Variants in PTPN3 observed in about 807,000 individuals in gnomAD.
The protein encoded by PTPN3 is protein tyrosine phosphatase non-receptor type 3, also known as tyrosine-protein phosphatase non-receptor type 3.
PTPN3 carries 96 observed loss-of-function variants against 132.7 expected under a neutral mutation model. The observed-to-expected ratio is 0.72, with a 90% confidence interval of 0.61 to 0.86. The LOEUF is 0.86. Ranked by LOEUF, PTPN3 falls within the 40% of genes least tolerant of loss-of-function variation. The pLI is 0.00. For synonymous variants in PTPN3, 398 were observed against 429.0 expected (o/e 0.93, Z 0.89); for missense variants, 1,125 against 1,159.6 (o/e 0.97, Z 0.43).
chr9:109,418,404 G>A (rs1259269795), intron 14 of PTPN3, among the ~76,000 whole-genome samples: 1 of 152,218 alleles, frequency 6.6e-6, no homozygotes, highest in Non-Finnish European at 1.5e-5. Context: ...AGGGTGCTGG[G>A]CTGTGAGGGC....
chr9:109,531,692 A>G, the PTPN3 span, among the ~76,000 whole-genome samples: 30 of 152,274 alleles, frequency 2.0e-4, no homozygotes, highest in African/African-American at 7.0e-4. Context: ...ACATCATGTG[A>G]GATATGGTTG....
the PTPN3 span, among the ~76,000 whole-genome samples, chr9:109,519,934 A>G: frequency 6.6e-6 from 1 of 152,150 alleles, no homozygotes. Flanking sequence ...CGAGTTGGTA[A>G]GGTTCATGAG....
chr9:109,478,296 AT>A lies in PTPN3; in HGVS notation c.-17-14846del, dbSNP rs543637180. ...TTAAAAAGTTGAACTTGTAATGTCT[AT>A]GCAATCATATATTCCACTCTTTCTC... On this transcript the variant is annotated intron_variant, in intron 1 of 25. Transcript: ENST00000374541. 3.1e-3 allele frequency among the ~76,000 whole-genome samples: 470 copies of A among 152,262 alleles called. 2 individuals are homozygous for A. Among genetic ancestry groups the A allele is most frequent in the Non-Finnish European group, 5.3e-3 (361 of 68,006 alleles).
rs571365243 is a variant in PTPN3 at position 109,375,705 on chromosome 9, T to C, written c.*3851A>G. On this transcript the variant is annotated 3_prime_UTR_variant, in exon 26 of 26. Coordinates refer to ENST00000374541, the MANE Select transcript of PTPN3 (RefSeq NM_002829.4). ...GTCAACAGACAATAACAGTGTTGCA[T>C]AGCTTGAACATTTTTATATTGATTA... 4 of 152,354 alleles carry C rather than the reference T, an allele frequency of 2.6e-5. No homozygotes were observed. The East Asian group carries it at 7.7e-4, about 29-fold the overall frequency. 9.4% of individuals were successfully genotyped at this position (152,354 alleles called of 1,614,324 possible).
intron 16 of PTPN3, 32 bp from the exon 17 acceptor site, chr9:109,408,409 A>G (rs1841744477): frequency 1.3e-6 from 2 of 1,506,710 alleles, no homozygotes; most frequent in Non-Finnish European, 1.8e-6. Context: ...AACAAAACAA[A>G]GTTTTTTAAG....
At chr9:109,476,497 T>C (rs557976329) in intron 1 of PTPN3, among the ~76,000 whole-genome samples, 1 of 152,310 alleles carries the variant, frequency 6.6e-6, no homozygotes, top group African/African-American at 2.4e-5. Context: ...TACTGAGGCC[T>C]TCCACATGCT....
At chr9:109,448,901 GCAAA>G in intron 5 of PTPN3, 46 bp from the exon 6 acceptor site, 1 of 1,012,446 alleles carries the variant, frequency 9.9e-7, no homozygotes, top group Non-Finnish European at 1.3e-6. Context: ...ACTGAAATAA[GCAAA>G]AAAAAAAAAA....
intron 18 of PTPN3, among the ~76,000 whole-genome samples, chr9:109,406,050 C>T (rs2131729539): frequency 6.6e-6 from 1 of 152,344 alleles, no homozygotes; most frequent in South Asian, 2.1e-4. Context: ...AGACCCTGCT[C>T]TCCTCACTGC....
Position 109,454,554 on chromosome 9 carries a change from G to C in PTPN3, c.310C>G (p.His104Asp), listed in dbSNP as rs1314936162. ...GGTATAAAAAATCTTACTCGAAAAT[G>C]CAGGGTACAGGGGAAACCTCCTACA... ...QLKGGFPCTL[H>D]FRVRFFIPDP... is the part of the protein sequence containing the mutation. Residue 104 changes from histidine (H) to aspartate (D), a missense_variant, in exon 5 of 26, where the codon CAT becomes GAT. His to Asp is a moderately conservative substitution (Grantham distance 81). Coordinates refer to ENST00000374541, the MANE Select transcript of PTPN3 (RefSeq NM_002829.4). 6.2e-7 allele frequency: 1 copy of C among 1,613,420 alleles called. No homozygotes were observed. The highest frequency in any genetic ancestry group is 2.2e-5 in the East Asian group (1 of 44,880).
intron 13 of PTPN3, among the ~76,000 whole-genome samples, chr9:109,422,499 T>C (rs912708700): frequency 8.5e-5 from 13 of 152,172 alleles, no homozygotes; most frequent in African/African-American, 2.9e-4. Flanking sequence ...CTATTTAGAT[T>C]GAATAAGTTT....
the PTPN3 span, among the ~76,000 whole-genome samples, chr9:109,513,222 G>C: frequency 1.3e-5 from 2 of 151,934 alleles, no homozygotes; most frequent in African/African-American, 4.8e-5. Context: ...GTCCTGCTGT[G>C]TTTCCCAGGC....
chr9:109,508,361 C>T, the PTPN3 span, among the ~76,000 whole-genome samples: 7 of 152,200 alleles, frequency 4.6e-5, no homozygotes, highest in South Asian at 4.2e-4. Flanking sequence ...GGGGTTTCAC[C>T]GTGTTAGCCA....
chr9:109,459,816 C>T lies in PTPN3; in HGVS notation c.139-2417G>A, dbSNP rs117352212. On this transcript the variant is annotated intron_variant, in intron 2 of 25. Coordinates refer to ENST00000374541, the MANE Select transcript of PTPN3 (RefSeq NM_002829.4). ...CCTCCTGCTGGGATTCTCAGACATTCGCTCTTGGCCTCCTCCCGCCTCCCT... is the reference window on the plus strand; with the variant it reads ...CCTCCTGCTGGGATTCTCAGACATTTGCTCTTGGCCTCCTCCCGCCTCCCT... Among the ~76,000 whole-genome samples the T allele has an allele frequency of 7.6e-3, 1,151 of 152,234 alleles. 8 individuals carry two copies. Among genetic ancestry groups the T allele is most frequent in the Non-Finnish European group, 0.012 (784 of 68,014 alleles).
At chr9:109,479,252 A>T (rs1275879117) in intron 1 of PTPN3, among the ~76,000 whole-genome samples, 1 of 152,138 alleles carries the variant, frequency 6.6e-6, no homozygotes, top group Non-Finnish European at 1.5e-5. Context: ...GAATTTGCCT[A>T]GTCTAGATAC....
At chr9:109,448,907 A>AG in intron 5 of PTPN3, 52 bp from the exon 6 acceptor site, 2 of 1,555,460 alleles carry the variant, frequency 1.3e-6, no homozygotes, top group East Asian at 2.3e-5. Context: ...ATAAGCAAAA[A>AG]AAAAAAAAAA....
At chr9:109,533,172 C>CT in the PTPN3 span, among the ~76,000 whole-genome samples, 1 of 107,972 alleles carries the variant, frequency 9.3e-6, no homozygotes, top group African/African-American at 3.5e-5. Flanking sequence ...GAGTCTCGCT[C>CT]TGTCGCCCAG....
chr9:109,380,371 T>G (rs1838961474), intron 25 of PTPN3, among the ~76,000 whole-genome samples: 1 of 152,206 alleles, frequency 6.6e-6, no homozygotes, highest in Non-Finnish European at 1.5e-5. Context: ...TTCTCCTGCC[T>G]CAGCCTCCCA....
intron 4 of PTPN3, among the ~76,000 whole-genome samples, chr9:109,455,736 C>T (rs1179227353): frequency 3.9e-5 from 6 of 152,292 alleles, no homozygotes; most frequent in Non-Finnish European, 7.4e-5. Context: ...TCTGGCTGTC[C>T]CCTATCGTGT....
At chr9:109,393,021 C>G in intron 19 of PTPN3, 1 of 152,172 alleles carries the variant, frequency 6.6e-6, no homozygotes, top group East Asian at 1.9e-4. Flanking sequence ...ATTTTATGTT[C>G]TATGAATCTC....
Sources: allele counts gnomAD v4.1 joint callset (sites outside exome capture counted in the v4.1 genomes callset), GRCh38; gene constraint gnomAD v4.1.1; transcripts MANE v1.5; gene names NCBI Gene and HGNC (gene_info 2026-07-23, HGNC 2026-07-21).